The following OR51B5 variants were observed in gnomAD, a reference collection of about 807,000 sequenced individuals.
OR51B5 encodes olfactory receptor family 51 subfamily B member 5, also known as olfactory receptor 51B5.
For synonymous variants in OR51B5, 186 were observed against 144.8 expected, an observed-to-expected ratio of 1.28 and a Z score of -2.04; for missense variants, 456 against 374.6, an observed-to-expected ratio of 1.22 and a Z score of -1.79.
chr11:5,448,462 G>C (rs1035762493), intron 1 of OR51B5, among the ~76,000 whole-genome samples: 7 of 152,212 alleles, frequency 4.6e-5, no homozygotes, highest in Non-Finnish European at 8.8e-5. Context: ...ACAAGCTAGA[G>C]AGAGATGGCA....
At chr11:5,491,106 C>G (rs1251946368) in intron 1 of OR51B5, among the ~76,000 whole-genome samples, 1 of 152,162 alleles carries the variant, frequency 6.6e-6, no homozygotes, top group Non-Finnish European at 1.5e-5. Context: ...GTATCATAGT[C>G]TTAGTTGATT....
chr11:5,459,872 AC>A (rs1851020665), intron 1 of OR51B5, among the ~76,000 whole-genome samples: 1 of 152,214 alleles, frequency 6.6e-6, no homozygotes, highest in Non-Finnish European at 1.5e-5. Flanking sequence ...CATTAATCCT[AC>A]TACTGGGTAT....
intron 1 of OR51B5, among the ~76,000 whole-genome samples, chr11:5,387,928 G>GTTCTGT (rs2133726064): frequency 6.6e-6 from 1 of 152,116 alleles, no homozygotes; most frequent in South Asian, 2.1e-4. Context: ...TTTTGTCTCT[G>GTTCTGT]TTCTGTTTCT....
At chr11:5,397,193 A>C (rs1055749218) in intron 1 of OR51B5, among the ~76,000 whole-genome samples, 19 of 152,246 alleles carry the variant, frequency 1.2e-4, no homozygotes, top group Non-Finnish European at 2.2e-4. Context: ...CAAAAGCCAA[A>C]ATTCACTAAT....
At chr11:5,417,152 A>C (rs1322197481) in intron 1 of OR51B5, among the ~76,000 whole-genome samples, 1 of 152,128 alleles carries the variant, frequency 6.6e-6, no homozygotes, top group Non-Finnish European at 1.5e-5. Context: ...ATCTTTGACA[A>C]ACCTGACAAA....
chr11:5,436,395 G>T (rs1430738702), intron 1 of OR51B5, among the ~76,000 whole-genome samples: 1 of 152,214 alleles, frequency 6.6e-6, no homozygotes, highest in Non-Finnish European at 1.5e-5. Context: ...GCTGAATCGA[G>T]GTTAATGGTC....
intron 1 of OR51B5, among the ~76,000 whole-genome samples, chr11:5,405,875 T>C (rs568227910): frequency 5.1e-4 from 78 of 152,260 alleles, no homozygotes; most frequent in African/African-American, 1.8e-3. Flanking sequence ...CGCTGATAGG[T>C]GACACAACTC....
Position 5,505,641 on chromosome 11 carries a change from A to C in OR51B5, n.12T>G, listed in dbSNP as rs370158902. ...AGTCACATCCTACTGGAATGGCAGC[A>C]GGCAAAAAGAGAGCTTGTGTAGAGC... On this transcript the variant is annotated non_coding_transcript_exon_variant, in exon 1 of 5. Transcript: ENST00000415970. 167 of 397,054 alleles carry C rather than the reference A, an allele frequency of 4.2e-4. 1 individual carries two copies. The highest frequency in any genetic ancestry group is 3.2e-3 in the African/African-American group (152 of 47,018). 24.6% of individuals were successfully genotyped at this position (397,054 alleles called of 1,614,324 possible).
At chr11:5,463,227 T>A (rs1050579820) in intron 1 of OR51B5, among the ~76,000 whole-genome samples, 4 of 152,228 alleles carry the variant, frequency 2.6e-5, no homozygotes, top group South Asian at 2.1e-4. Flanking sequence ...CAGGCGTCAG[T>A]TGACAATAAA....
In OR51B5 at chr11:5,501,434, A is replaced by G. The variant is rs966753604; in HGVS notation, n.84+4135T>C. ...TGGGAGTAGCAAAAGTTACCTTCTTATTATACTCAGGATAAAATCCAAGTT... is the reference window on the plus strand; with the variant it reads ...TGGGAGTAGCAAAAGTTACCTTCTTGTTATACTCAGGATAAAATCCAAGTT... On this transcript the variant is annotated intron_variant and non_coding_transcript_variant, in intron 1 of 4. Transcript: ENST00000415970. 2.0e-5 allele frequency among the ~76,000 whole-genome samples: 3 copies of G among 148,064 alleles called. 1 individual carries two copies. The highest frequency in any genetic ancestry group is 2.0e-4 in the East Asian group (1 of 5,118).
At chr11:5,377,590 G>A (rs1218445200) in intron 1 of OR51B5, among the ~76,000 whole-genome samples, 1 of 152,100 alleles carries the variant, frequency 6.6e-6, no homozygotes, top group Admixed American at 6.6e-5. Context: ...ATCTCCTTAA[G>A]CTGATAAGCA....
At chr11:5,423,294 T>G in intron 1 of OR51B5, 3 of 1,158,444 alleles carry the variant, frequency 2.6e-6, no homozygotes, top group Non-Finnish European at 3.5e-6. Flanking sequence ...TAGCATGGAA[T>G]TTTTGGCTGA....
intron 1 of OR51B5, among the ~76,000 whole-genome samples, chr11:5,409,096 T>C (rs1339973332): frequency 6.6e-6 from 1 of 152,186 alleles, no homozygotes; most frequent in East Asian, 1.9e-4. Flanking sequence ...CCAATATTCC[T>C]GCTGAAAATA....
At chr11:5,489,550 A>G (rs1851551569) in intron 1 of OR51B5, 2 of 1,613,874 alleles carry the variant, frequency 1.2e-6, no homozygotes, top group African/African-American at 2.7e-5. Context: ...CTTTCTGGCT[A>G]ATCTCTATGT....
At chr11:5,489,484 T>A (rs1175184976) in intron 1 of OR51B5, 1 of 1,614,086 alleles carries the variant, frequency 6.2e-7, no homozygotes, top group East Asian at 2.2e-5. Flanking sequence ...CCCTGCCTTC[T>A]TCTCCTTCCT....
At chr11:5,403,682 G>C (rs1850010778) in intron 1 of OR51B5, 1 of 365,678 alleles carries the variant, frequency 2.7e-6, no homozygotes, top group Non-Finnish European at 5.4e-6. Flanking sequence ...TCTATAGTCT[G>C]TCCATGAACT....
In OR51B5 at chr11:5,455,615, G is replaced by GAGAA. The variant is rs59337588; in HGVS notation, n.84+49953_84+49954insTTCT. On this transcript the variant is annotated intron_variant and non_coding_transcript_variant, in intron 1 of 4. Transcript: ENST00000415970. ...AGAAAGAGAAAAAGAGAAAGAGAAA[G>GAGAA]AGAGAAAGAGAGAGAGAGAGATGCA... is the stretch of plus-strand genomic sequence containing the variant. 4.0e-3 allele frequency: 569 copies of GAGAA among 142,554 alleles called. 5 individuals carry two copies. The highest frequency in any genetic ancestry group is 0.014 in the African/African-American group (537 of 38,894). The allele number at this position is 142,554 out of a possible 1,614,324, so 8.8% of individuals were successfully genotyped here.
rs765748510 is a variant in OR51B5, at chr11:5,343,255, A to G, written c.270T>C (p.Ile90=). The G allele has an allele frequency of 3.1e-6, 5 of 1,613,644 alleles. No individual in the cohort carries two copies. In the Admixed American group the frequency reaches 8.3e-5, roughly 27 times the overall value. ...CCTGGGAAAAGCAGGCCGCACTTCC[A>G]ATCTCCCTGTGATCCAGCCAGAGGA... is the stretch of plus-strand genomic sequence containing the variant. The change falls in exon 1 of 1, where the codon ATT becomes ATC. Residue 90 remains isoleucine, a synonymous_variant. Transcript: ENST00000300773.
intron 1 of OR51B5, among the ~76,000 whole-genome samples, chr11:5,487,003 G>A (rs941792674): frequency 6.6e-6 from 1 of 152,124 alleles, no homozygotes; most frequent in South Asian, 2.1e-4. Context: ...ACTAGGAATT[G>A]ATATTAGACA....
Sources: allele counts gnomAD v4.1 joint callset (sites outside exome capture counted in the v4.1 genomes callset), GRCh38; gene constraint gnomAD v4.1.1; transcripts MANE v1.5; gene names NCBI Gene and HGNC (gene_info 2026-07-23, HGNC 2026-07-21).